The following DAZAP1 variants were observed in gnomAD, a reference collection of about 807,000 sequenced individuals.
DAZAP1 encodes DAZ-associated protein 1.
Under a neutral mutation model 60.1 loss-of-function variants are expected in DAZAP1, and 6 were observed. That is an observed-to-expected ratio of 0.10 (90% CI 0.05 to 0.20). The LOEUF (loss-of-function observed/expected upper bound fraction) is 0.20. Ranked by LOEUF, DAZAP1 falls within the 10% of genes least tolerant of loss-of-function variation. The pLI is 1.00. For synonymous variants in DAZAP1, 235 were observed against 215.9 expected (o/e 1.09, Z -0.78); for missense variants, 366 against 560.4 (o/e 0.65, Z 3.50).
intron 4 of DAZAP1, among the ~76,000 whole-genome samples, chr19:1,420,727 T>C (rs2083131936): frequency 6.6e-6 from 1 of 152,208 alleles, no homozygotes; most frequent in Admixed American, 6.5e-5. Context: ...TAGCCATCAT[T>C]GTCACCTGCT....
Position 1,426,860 on chromosome 19 carries a change from TC to T in DAZAP1, c.546+903del, listed in dbSNP as rs1326621324. 2 of 152,130 alleles carry T rather than the reference TC, an allele frequency of 1.3e-5. No homozygotes were observed. The highest frequency in any genetic ancestry group is 2.4e-5 in the African/African-American group (1 of 41,404). The allele number at this position is 152,130 out of a possible 1,614,324, so 9.4% of individuals were successfully genotyped here. A position where few individuals can be genotyped will look rare whatever the true frequency, so the allele number is the denominator to read the frequency against. On this transcript the variant is annotated intron_variant, in intron 7 of 11. Transcript: ENST00000233078. The surrounding 1 kb of genome is among the most constrained non-coding windows in gnomAD (Gnocchi z 5.4). The stretch of plus-strand genomic sequence containing the variant: ...CCGGCCTCCTTGGTGCGGCAGCTTC[TC>T]CCGTTAACGGAAGAAGACGCTTAGC...
Position 1,422,428 on chromosome 19 carries a change from C to G in DAZAP1, c.463+32C>G, listed in dbSNP as rs1273012942. On this transcript the variant is annotated intron_variant, in intron 6 of 11. Coordinates refer to ENST00000233078, the MANE Select transcript of DAZAP1 (RefSeq NM_018959.4). The surrounding 1 kb of genome is among the most constrained non-coding windows in gnomAD (Gnocchi z 4.5). ...GCAGATCTAGTTTGACCTCGGCCTTCTCCCTGCTCCTCCCTCAGATGGCAA... is the reference window on the plus strand; with the variant it reads ...GCAGATCTAGTTTGACCTCGGCCTTGTCCCTGCTCCTCCCTCAGATGGCAA... 5.6e-6 allele frequency: 9 copies of G among 1,601,296 alleles called. No homozygotes were observed. The highest frequency in any genetic ancestry group is 6.8e-6 in the Non-Finnish European group (8 of 1,169,222).
intron 5 of DAZAP1, among the ~76,000 whole-genome samples, chr19:1,421,741 A>G (rs2083161426): frequency 6.6e-6 from 1 of 152,176 alleles, no homozygotes; most frequent in Admixed American, 6.5e-5. Context: ...GGTCACCCCA[A>G]GGTCCTGCTG....
Position 1,432,018 on chromosome 19 carries a change from C to T in DAZAP1, c.872-496C>T, listed in dbSNP as rs2083464832. On this transcript the variant is annotated intron_variant, in intron 10 of 11. Transcript: ENST00000233078. This position sits in a 1 kb window ranked among gnomAD's most constrained non-coding sequence, Gnocchi z 4.9. ...GGAGGCCTGTGGGCCAGATGACTGA[C>T]AGGAGGGGAGTTGGGTGGAACCTCG... 1 of 171,066 alleles carries T rather than the reference C, an allele frequency of 5.8e-6. No homozygotes were observed. The highest frequency in any genetic ancestry group is 1.2e-4 in the South Asian group (1 of 8,034). 10.6% of individuals were successfully genotyped at this position (171,066 alleles called of 1,614,324 possible).
rs2083493453 is a variant in DAZAP1, at chr19:1,433,017, T to G, written c.1048+327T>G. ...GATCACTGTCTAGAGGTTCAGGCCC[T>G]CGGTGTGGGTCCCGGGTGCACTGGC... On this transcript the variant is annotated intron_variant, in intron 11 of 11. Coordinates refer to ENST00000233078, the MANE Select transcript of DAZAP1 (RefSeq NM_018959.4). This position sits in a 1 kb window ranked among gnomAD's most constrained non-coding sequence, Gnocchi z 6.1. 1 of 286,434 alleles carries G rather than the reference T, an allele frequency of 3.5e-6. No individual in the cohort carries two copies. Among genetic ancestry groups the G allele is most frequent in the South Asian group, 5.6e-5 (1 of 17,860 alleles). 17.7% of individuals were successfully genotyped at this position (286,434 alleles called of 1,614,324 possible).
chr19:1,412,219 G>GC (rs771107833), intron 1 of DAZAP1, among the ~76,000 whole-genome samples: 1 of 152,168 alleles, frequency 6.6e-6, no homozygotes, highest in Non-Finnish European at 1.5e-5. Flanking sequence ...TGGAGGGGGG[G>GC]CATCTGACCC....
In DAZAP1 at chr19:1,433,539, T is replaced by G. The variant is rs2083510490; in HGVS notation, c.1048+849T>G. On this transcript the variant is annotated intron_variant, in intron 11 of 11. Transcript: ENST00000233078. The surrounding 1 kb of genome is among the most constrained non-coding windows in gnomAD (Gnocchi z 6.1). ...TGCCCGCCCACCCACCTCGCATGGC[T>G]GTGGTTCCCCTGCCCCCACGCCCAG... 87 of 517,340 alleles carry G rather than the reference T, an allele frequency of 1.7e-4. No homozygotes were observed. The highest frequency in any genetic ancestry group is 5.4e-4 in the Middle Eastern group (1 of 1,836). The allele number at this position is 517,340 out of a possible 1,614,324, so 32.0% of individuals were successfully genotyped here. A position where few individuals can be genotyped will look rare whatever the true frequency, so the allele number is the denominator to read the frequency against.
At chr19:1,431,372 G>A (rs1257354832) in intron 10 of DAZAP1, among the ~76,000 whole-genome samples, 2 of 151,564 alleles carry the variant, frequency 1.3e-5, no homozygotes, top group South Asian at 4.2e-4. Context: ...CTCGTGATTC[G>A]CCCGCCTCGG....
chr19:1,423,043 C>T lies in DAZAP1; in HGVS notation c.463+647C>T, dbSNP rs117605614. Among the ~76,000 whole-genome samples, 763 of 150,728 alleles carry T rather than the reference C, an allele frequency of 5.1e-3. 4 individuals carry two copies. The highest frequency in any genetic ancestry group is 8.9e-3 in the Non-Finnish European group (605 of 67,786). ...TTTCCGTGGCTGCTGCTGTCTGTCC[C>T]GCCCGCCCGCATGGTTTTGGTTCAT... On this transcript the variant is annotated intron_variant, in intron 6 of 11. Transcript: ENST00000233078. This position sits in a 1 kb window ranked among gnomAD's most constrained non-coding sequence, Gnocchi z 6.8.
rs746847338 is a variant in DAZAP1, at chr19:1,418,755, T to A, written c.303+24T>A. The A allele has an allele frequency of 1.3e-6, 2 of 1,584,848 alleles. No individual in the cohort carries two copies. Among genetic ancestry groups the A allele is most frequent in the Admixed American group, 3.6e-5 (2 of 55,454 alleles). Reference sequence around the variant, plus strand: ...GGGTAAGGGGCTGGGCCGGGCGGCCTCCTTGTGTGTTCTCCACTCCACGTG... The same window carrying A: ...GGGTAAGGGGCTGGGCCGGGCGGCCACCTTGTGTGTTCTCCACTCCACGTG... On this transcript the variant is annotated intron_variant, in intron 4 of 11. Transcript: ENST00000233078. The surrounding 1 kb of genome is among the most constrained non-coding windows in gnomAD (Gnocchi z 5.7).
At chr19:1,424,821 C>G (rs1257281064) in intron 6 of DAZAP1, among the ~76,000 whole-genome samples, 1 of 152,212 alleles carries the variant, frequency 6.6e-6, no homozygotes, top group African/African-American at 2.4e-5. Context: ...CTGCCGGGCA[C>G]TTCCATCTGG....
chr19:1,431,850 C>T (rs932822796), intron 10 of DAZAP1, among the ~76,000 whole-genome samples: 1 of 152,118 alleles, frequency 6.6e-6, no homozygotes, highest in Non-Finnish European at 1.5e-5. Flanking sequence ...ATTTCACCTG[C>T]GGGCCCTGGG....
chr19:1,432,228 A>G lies in DAZAP1; in HGVS notation c.872-286A>G. 4.0e-6 allele frequency: 2 copies of G among 501,194 alleles called. No homozygotes were observed. Among genetic ancestry groups the G allele is most frequent in the Non-Finnish European group, 3.6e-6 (1 of 281,020 alleles). 31.0% of individuals were successfully genotyped at this position (501,194 alleles called of 1,614,324 possible). On this transcript the variant is annotated intron_variant, in intron 10 of 11. Coordinates refer to ENST00000233078, the MANE Select transcript of DAZAP1 (RefSeq NM_018959.4). The surrounding 1 kb of genome is among the most constrained non-coding windows in gnomAD (Gnocchi z 4.9). ...TTGCTGTGAGGTTACTTGCTCCTTG[A>G]GTTCTTGTCTGAGGCCCACCTGGCG...
At chr19:1,431,684 G>A (rs1003425562) in intron 10 of DAZAP1, among the ~76,000 whole-genome samples, 2 of 152,298 alleles carry the variant, frequency 1.3e-5, no homozygotes, top group African/African-American at 4.8e-5. Context: ...AATTTTAGAC[G>A]GGGCCCCCAG....
chr19:1,416,886 C>G lies in DAZAP1; in HGVS notation c.30-614C>G, dbSNP rs73920480. 9.0e-3 allele frequency: 1,387 copies of G among 153,888 alleles called. 29 individuals carry two copies. The highest frequency in any genetic ancestry group is 0.032 in the African/African-American group (1,324 of 41,564). 9.5% of individuals were successfully genotyped at this position (153,888 alleles called of 1,614,324 possible). A position where few individuals can be genotyped will look rare whatever the true frequency, so the allele number is the denominator to read the frequency against. On this transcript the variant is annotated intron_variant, in intron 1 of 11. Coordinates refer to ENST00000233078, the MANE Select transcript of DAZAP1 (RefSeq NM_018959.4). The surrounding 1 kb of genome is among the most constrained non-coding windows in gnomAD (Gnocchi z 4.3). The stretch of plus-strand genomic sequence containing the variant: ...CTTCTCATCTGCCAATAAGAGACAG[C>G]CCCAGAATGGGGGTGGCGCGGGTTT...
chr19:1,425,271 C>CTG lies in DAZAP1; in HGVS notation c.464-605_464-604dup, dbSNP rs1217804555. On this transcript the variant is annotated intron_variant, in intron 6 of 11. Coordinates refer to ENST00000233078, the MANE Select transcript of DAZAP1 (RefSeq NM_018959.4). This position sits in a 1 kb window ranked among gnomAD's most constrained non-coding sequence, Gnocchi z 5.4. Reference sequence around the variant, plus strand: ...GCACCAGCTATGATAGATACTGTATCTGTTAACGCTTTAGAACGATATATG... The same window carrying CTG: ...GCACCAGCTATGATAGATACTGTATCTGTGTTAACGCTTTAGAACGATATATG... 6.6e-6 allele frequency among the ~76,000 whole-genome samples: 1 copy of CTG among 152,244 alleles called. No homozygotes were observed. The highest frequency in any genetic ancestry group is 1.5e-5 in the Non-Finnish European group (1 of 68,044).
Position 1,434,929 on chromosome 19 carries a change from G to A in DAZAP1, c.*17G>A, listed in dbSNP as rs781358267. 4.3e-5 allele frequency: 59 copies of A among 1,385,344 alleles called. 1 individual carries two copies. In the Middle Eastern group the frequency reaches 2.3e-3, roughly 53 times the overall value. The allele number at this position is 1,385,344 out of a possible 1,614,324, so 85.8% of individuals were successfully genotyped here. On this transcript the variant is annotated 3_prime_UTR_variant, in exon 12 of 12. Coordinates refer to ENST00000233078, the MANE Select transcript of DAZAP1 (RefSeq NM_018959.4). The surrounding 1 kb of genome is among the most constrained non-coding windows in gnomAD (Gnocchi z 8.0). The stretch of plus-strand genomic sequence containing the variant: ...CGACGCTAGCCCGCGGCGCCGCGAC[G>A]TCTGCACGGCCCAGACCCAGGATTC...
rs895416498 is a variant in DAZAP1, at chr19:1,423,160, C to T, written c.463+764C>T. Among the ~76,000 whole-genome samples, 6 of 152,242 alleles carry T rather than the reference C, an allele frequency of 3.9e-5. No individual in the cohort carries two copies. The highest frequency in any genetic ancestry group is 7.2e-5 in the African/African-American group (3 of 41,460). On this transcript the variant is annotated intron_variant, in intron 6 of 11. Transcript: ENST00000233078. This position sits in a 1 kb window ranked among gnomAD's most constrained non-coding sequence, Gnocchi z 6.8. ...CCCCGCACCACCGGCCCAGGTCAGT[C>T]GGGGCAGCCCCGAGCGCCAGGTGGC...
intron 1 of DAZAP1, among the ~76,000 whole-genome samples, chr19:1,412,213 G>C (rs1044554955): frequency 1.3e-5 from 2 of 152,030 alleles, no homozygotes; most frequent in African/African-American, 2.4e-5. Flanking sequence ...GTGGGCTGGA[G>C]GGGGGGCATC....
Sources: gnomAD v4.1 joint callset for allele counts (sites outside exome capture counted in the v4.1 genomes callset) on GRCh38, gnomAD v4.1.1 for gene constraint, Gnocchi (gnomAD v3.1) non-coding constraint, MANE v1.5 for transcripts, NCBI Gene and HGNC (gene_info 2026-07-23, HGNC 2026-07-21) for gene names.